PPP3CA: variants seen among roughly 807,000 people sequenced by gnomAD.
PPP3CA encodes the protein protein phosphatase 3 catalytic subunit alpha.
Under a neutral mutation model 66.5 loss-of-function variants are expected in PPP3CA, and 14 were observed. That is an observed-to-expected ratio of 0.21 (90% CI 0.14 to 0.33). The LOEUF is 0.33. Among genes scored for constraint, PPP3CA ranks in the 10% least tolerant of loss-of-function variants. The pLI is 1.00. For synonymous variants in PPP3CA, 232 were observed against 226.2 expected, an observed-to-expected ratio of 1.03 and a Z score of -0.23; for missense variants, 317 against 639.5, an observed-to-expected ratio of 0.50 and a Z score of 5.44.
chr4:101,047,214 T>C (rs745661212), intron 10 of PPP3CA, among the ~76,000 whole-genome samples: 3 of 152,168 alleles, frequency 2.0e-5, no homozygotes, highest in African/African-American at 4.8e-5. Context: ...CTTCAGTACA[T>C]TGTCCTACAC....
At chr4:101,049,059 A>G (rs190547542) in intron 10 of PPP3CA, among the ~76,000 whole-genome samples, 4 of 152,304 alleles carry the variant, frequency 2.6e-5, no homozygotes, top group Admixed American at 2.6e-4. Context: ...AGGAAGTCTT[A>G]AAAATGGACA....
intron 1 of PPP3CA, among the ~76,000 whole-genome samples, chr4:101,333,763 C>T (rs60438397): frequency 0.11 from 16,172 of 152,154 alleles, 2,917 homozygotes; most frequent in African/African-American, 0.37. Context: ...ATTACATTTA[C>T]TTTTGCAAAA....
intron 1 of PPP3CA, among the ~76,000 whole-genome samples, chr4:101,316,401 T>C (rs1209516740): frequency 6.6e-6 from 1 of 152,090 alleles, no homozygotes; most frequent in Non-Finnish European, 1.5e-5. Flanking sequence ...AGCAATCAAA[T>C]AAGTAAATGT....
At chr4:101,130,738 G>A (rs1722402256) in intron 2 of PPP3CA, among the ~76,000 whole-genome samples, 1 of 152,178 alleles carries the variant, frequency 6.6e-6, no homozygotes. Context: ...GTTCCTGAAG[G>A]AAGCACTAAA....
chr4:101,083,109 T>C, intron 7 of PPP3CA, 77 bp downstream of exon 7: 4 of 1,149,930 alleles, frequency 3.5e-6, no homozygotes, highest in Non-Finnish European at 4.7e-6. Context: ...AAAGGGAACC[T>C]GCAGAGCCTA....
chr4:101,124,468 A>G (rs975288710), intron 2 of PPP3CA, among the ~76,000 whole-genome samples: 1 of 151,796 alleles, frequency 6.6e-6, no homozygotes, highest in African/African-American at 2.4e-5. Context: ...TACTAAAACA[A>G]TACAAAAATT....
intron 1 of PPP3CA, among the ~76,000 whole-genome samples, chr4:101,226,225 A>G (rs1335708523): frequency 6.6e-6 from 1 of 151,670 alleles, no homozygotes; most frequent in Admixed American, 6.6e-5. Flanking sequence ...AATCTTCCCT[A>G]GTTTCCAGTT....
At chr4:101,308,080 C>T (rs1014894973) in intron 1 of PPP3CA, among the ~76,000 whole-genome samples, 4 of 152,144 alleles carry the variant, frequency 2.6e-5, no homozygotes, top group African/African-American at 9.7e-5. Flanking sequence ...TGCCTCCAAA[C>T]AATTTAACAG....
chr4:101,312,544 C>T (rs1394394208), intron 1 of PPP3CA, among the ~76,000 whole-genome samples: 1 of 151,912 alleles, frequency 6.6e-6, no homozygotes, highest in African/African-American at 2.4e-5. Flanking sequence ...AGAACATTCA[C>T]AAATTATCTT....
At chr4:101,341,200 TTC>T (rs1164748105) in intron 1 of PPP3CA, among the ~76,000 whole-genome samples, 1 of 52,812 alleles carries the variant, frequency 1.9e-5, no homozygotes, top group Non-Finnish European at 3.0e-5. Flanking sequence ...TTTTCTTTTT[TTC>T]TTTTTCTTTT....
chr4:101,242,861 G>A (rs1196669448), intron 1 of PPP3CA, among the ~76,000 whole-genome samples: 1 of 152,136 alleles, frequency 6.6e-6, no homozygotes, highest in African/African-American at 2.4e-5. Flanking sequence ...CCAGGAGTTG[G>A]AGGCTGCAGT....
intron 1 of PPP3CA, among the ~76,000 whole-genome samples, chr4:101,300,178 C>A (rs1728331251): frequency 6.6e-6 from 1 of 152,162 alleles, no homozygotes; most frequent in Admixed American, 6.5e-5. Flanking sequence ...AAATAAGCTA[C>A]AAATTAGCTT....
chr4:101,115,300 G>C (rs905296957), intron 2 of PPP3CA, among the ~76,000 whole-genome samples: 1 of 151,914 alleles, frequency 6.6e-6, no homozygotes, highest in Admixed American at 6.6e-5. Flanking sequence ...TTTGAGAATA[G>C]AATCTTGGCA....
At chr4:101,285,646 T>C (rs1214555714) in intron 1 of PPP3CA, among the ~76,000 whole-genome samples, 1 of 149,120 alleles carries the variant, frequency 6.7e-6, no homozygotes, top group Non-Finnish European at 1.5e-5. Context: ...TGTGTGTGTG[T>C]GTGTGTGTTT....
At chr4:101,210,107 A>C (rs1329818191) in intron 1 of PPP3CA, among the ~76,000 whole-genome samples, 1 of 152,172 alleles carries the variant, frequency 6.6e-6, no homozygotes, top group Non-Finnish European at 1.5e-5. Flanking sequence ...CAAAGAGGCT[A>C]AGGTCCACTC....
intron 1 of PPP3CA, among the ~76,000 whole-genome samples, chr4:101,258,391 G>T (rs1020426559): frequency 6.6e-6 from 1 of 152,072 alleles, no homozygotes; most frequent in African/African-American, 2.4e-5. Flanking sequence ...CTGGACAAGA[G>T]GCAGCTGCAC....
At chr4:101,338,165 T>C (rs1474357763) in intron 1 of PPP3CA, among the ~76,000 whole-genome samples, 1 of 152,198 alleles carries the variant, frequency 6.6e-6, no homozygotes, top group Non-Finnish European at 1.5e-5. Flanking sequence ...GAAATCAACC[T>C]ATACACCTTG....
chr4:101,060,480 C>T (rs1728415034), intron 10 of PPP3CA, among the ~76,000 whole-genome samples: 1 of 152,028 alleles, frequency 6.6e-6, no homozygotes. Flanking sequence ...GTAATTTTCC[C>T]CTTCATCTTT....
intron 1 of PPP3CA, among the ~76,000 whole-genome samples, chr4:101,281,588 T>A (rs1028586490): frequency 6.7e-6 from 1 of 149,726 alleles, no homozygotes; most frequent in African/African-American, 2.5e-5. Flanking sequence ...ATCAAAAAAA[T>A]TTGCCACAAC....
Sources: gnomAD v4.1 joint callset for allele counts (sites outside exome capture counted in the v4.1 genomes callset) on GRCh38, gnomAD v4.1.1 for gene constraint, MANE v1.5 for transcripts, NCBI Gene and HGNC (gene_info 2026-07-23, HGNC 2026-07-21) for gene names.